NRG1: variants seen among roughly 807,000 people sequenced by gnomAD.
NRG1 encodes the protein neuregulin 1.
A neutral mutation model predicts 63.8 loss-of-function variants in NRG1; 18 were observed. The ratio of observed to expected loss-of-function variants is 0.28; its 90% CI spans 0.19 to 0.42. The LOEUF is 0.42. NRG1 is among the 10% of genes least tolerant of loss of function. NRG1 has a pLI of 1.00. For synonymous variants in NRG1, 302 were observed against 301.3 expected (o/e 1.00, Z -0.02); for missense variants, 762 against 814.7 (o/e 0.94, Z 0.79).
intron 5 of NRG1, among the ~76,000 whole-genome samples, chr8:32,699,311 T>C (rs1045895083): frequency 5.9e-5 from 9 of 152,212 alleles, no homozygotes; most frequent in Non-Finnish European, 4.4e-5. Context: ...TGTTCTGTAG[T>C]TGACGGTGAT....
chr8:31,920,545 A>G (rs1464770257), intron 1 of NRG1, among the ~76,000 whole-genome samples: 1 of 152,076 alleles, frequency 6.6e-6, no homozygotes, highest in African/African-American at 2.4e-5. Flanking sequence ...ACAACTCCAA[A>G]TGGTTCTTCA....
intron 5 of NRG1, chr8:32,646,675 A>G (rs1853616575): frequency 1.0e-6 from 1 of 985,098 alleles, no homozygotes; most frequent in Non-Finnish European, 1.2e-6. Context: ...AGACTGGGAC[A>G]GCTTTTGTAG....
intron 1 of NRG1, among the ~76,000 whole-genome samples, chr8:31,981,818 A>G (rs1809151041): frequency 6.6e-6 from 1 of 152,134 alleles, no homozygotes; most frequent in South Asian, 2.1e-4. Context: ...ATTTTAAATA[A>G]GAGCTTACAA....
chr8:32,596,106 A>T, intron 2 of NRG1, 101 bp downstream of exon 2: 1 of 921,216 alleles, frequency 1.1e-6, no homozygotes, highest in Non-Finnish European at 1.6e-6. Context: ...CAGAAACATA[A>T]TAGATAATAA....
intron 1 of NRG1, among the ~76,000 whole-genome samples, chr8:31,937,538 C>G (rs1801087676): frequency 6.6e-6 from 1 of 152,118 alleles, no homozygotes; most frequent in South Asian, 2.1e-4. Context: ...GGAACTGGAT[C>G]ATCTTTGCAG....
chr8:32,662,765 A>C (rs1193298605), intron 5 of NRG1, among the ~76,000 whole-genome samples: 1 of 152,186 alleles, frequency 6.6e-6, no homozygotes, highest in Non-Finnish European at 1.5e-5. Context: ...GGCTGATTTC[A>C]GTCTAAGTAG....
At chr8:32,498,459 C>T (rs555011713) in intron 1 of NRG1, among the ~76,000 whole-genome samples, 75 of 152,248 alleles carry the variant, frequency 4.9e-4, no homozygotes, top group Non-Finnish European at 6.2e-4. Context: ...CTTCACATGG[C>T]GGCTGCAAGG....
At chr8:32,519,755 C>T (rs537006890) in intron 1 of NRG1, among the ~76,000 whole-genome samples, 12 of 152,226 alleles carry the variant, frequency 7.9e-5, no homozygotes, top group East Asian at 3.9e-4. Flanking sequence ...ATTTTCCTTC[C>T]GAGAGATTTG....
At chr8:31,663,591 T>C (rs1454092765) in intron 1 of NRG1, among the ~76,000 whole-genome samples, 2 of 152,220 alleles carry the variant, frequency 1.3e-5, no homozygotes, top group Non-Finnish European at 2.9e-5. Flanking sequence ...AAGGGTATTT[T>C]ACATAAAGCA....
chr8:31,824,395 A>C (rs899938746), intron 1 of NRG1, among the ~76,000 whole-genome samples: 1 of 152,126 alleles, frequency 6.6e-6, no homozygotes, highest in Non-Finnish European at 1.5e-5. Flanking sequence ...AAGGTGCAGA[A>C]ACTGCTTTCA....
At chr8:32,038,002 CCTT>C (rs1819347676) in intron 1 of NRG1, among the ~76,000 whole-genome samples, 1 of 152,214 alleles carries the variant, frequency 6.6e-6, no homozygotes, top group African/African-American at 2.4e-5. Flanking sequence ...TCTCCTGCCT[CCTT>C]AGTTTTCCCA....
intron 1 of NRG1, among the ~76,000 whole-genome samples, chr8:32,388,875 A>G (rs760267358): frequency 6.6e-6 from 1 of 152,170 alleles, no homozygotes; most frequent in Non-Finnish European, 1.5e-5. Context: ...AACGTTCCAG[A>G]TGGAATTTTC....
At chr8:31,857,486 G>T (rs892802759) in intron 1 of NRG1, among the ~76,000 whole-genome samples, 2 of 152,162 alleles carry the variant, frequency 1.3e-5, no homozygotes, top group African/African-American at 2.4e-5. Context: ...CAGGGTATGC[G>T]CACCCACTGA....
intron 5 of NRG1, among the ~76,000 whole-genome samples, chr8:32,621,193 G>A (rs1191457126): frequency 1.3e-5 from 2 of 152,016 alleles, no homozygotes; most frequent in Admixed American, 6.6e-5. Flanking sequence ...CACTAGTTTA[G>A]AGTTGTTAAT....
chr8:32,617,635 C>T (rs947425807), intron 5 of NRG1, among the ~76,000 whole-genome samples: 1 of 152,182 alleles, frequency 6.6e-6, no homozygotes, highest in African/African-American at 2.4e-5. Flanking sequence ...AAACTTATAA[C>T]TACAGTCTTT....
chr8:32,699,989 A>G (rs1814423740), intron 5 of NRG1, among the ~76,000 whole-genome samples: 2 of 152,126 alleles, frequency 1.3e-5, no homozygotes, highest in Admixed American at 1.3e-4. Flanking sequence ...GTTTTTAGTA[A>G]AGTCACAATG....
chr8:32,542,578 G>T (rs1309885164), intron 1 of NRG1, among the ~76,000 whole-genome samples: 1 of 152,182 alleles, frequency 6.6e-6, no homozygotes, highest in Non-Finnish European at 1.5e-5. Flanking sequence ...GGTGGTTGTG[G>T]GAAAATTCAG....
At chr8:31,691,144 G>GTAGT (rs1809460868) in intron 1 of NRG1, among the ~76,000 whole-genome samples, 1 of 152,156 alleles carries the variant, frequency 6.6e-6, no homozygotes, top group Non-Finnish European at 1.5e-5. Context: ...ACAGCAGTAG[G>GTAGT]TAGTAGATGT....
chr8:31,914,314 T>C (rs1833196315), intron 1 of NRG1, among the ~76,000 whole-genome samples: 1 of 151,856 alleles, frequency 6.6e-6, no homozygotes, highest in African/African-American at 2.4e-5. Flanking sequence ...TTTTGGTTGT[T>C]CACAAATTTT....
Sources: allele counts gnomAD v4.1 joint callset (sites outside exome capture counted in the v4.1 genomes callset), GRCh38; gene constraint gnomAD v4.1.1; transcripts MANE v1.5; gene names NCBI Gene and HGNC (gene_info 2026-07-23, HGNC 2026-07-21).